Variants in PARN observed in about 807,000 individuals in gnomAD.
The protein encoded by PARN is poly(A)-specific ribonuclease PARN.
In PARN, 71 loss-of-function variants were observed where a neutral mutation model predicts 102.8. The ratio of observed to expected loss-of-function variants is 0.69; its 90% CI spans 0.57 to 0.84. The LOEUF is 0.84. PARN is among the 40% of genes least tolerant of loss of function. The pLI is 0.00. For missense variants in PARN, 782 were observed against 760.9 expected (o/e 1.03, Z -0.33); for synonymous variants, 261 against 252.9 (o/e 1.03, Z -0.30).
intron 15 of PARN, 72 bp downstream of exon 15, chr16:14,584,677 G>T: frequency 1.9e-6 from 2 of 1,057,510 alleles, no homozygotes; most frequent in Non-Finnish European, 2.9e-6. Flanking sequence ...TTTGCCAGAA[G>T]GCTATATTGT....
rs921967964 is a variant in PARN at position 14,493,241 on chromosome 16, T to A, written c.1481-10414A>T. Among the ~76,000 whole-genome samples, 10 of 152,138 alleles carry A rather than the reference T, an allele frequency of 6.6e-5. No individual in the cohort carries two copies. In the South Asian group the frequency reaches 2.1e-3, roughly 32 times the overall value. On this transcript the variant is annotated intron_variant, in intron 21 of 23. Transcript: ENST00000437198. ...TTATTTATTTATTTTTGAGACAGGG[T>A]CTCTCGCTCTGTTCCCCAGGCTGGA... is the stretch of plus-strand genomic sequence containing the variant.
At chr16:14,531,113 G>A (rs1966303423) in intron 21 of PARN, among the ~76,000 whole-genome samples, 1 of 152,174 alleles carries the variant, frequency 6.6e-6, no homozygotes, top group Admixed American at 6.5e-5. Context: ...CACTTTGGGA[G>A]GCTGAAGCAG....
intron 18 of PARN, among the ~76,000 whole-genome samples, chr16:14,577,212 T>C (rs1969198286): frequency 6.6e-6 from 1 of 152,196 alleles, no homozygotes; most frequent in Non-Finnish European, 1.5e-5. Context: ...TCAGAAAATC[T>C]TGCATATTTT....
intron 12 of PARN, among the ~76,000 whole-genome samples, chr16:14,597,513 G>A (rs751321541): frequency 6.6e-5 from 10 of 151,926 alleles, no homozygotes; most frequent in Non-Finnish European, 1.5e-4. Context: ...TGGCTAACAT[G>A]GTGAAACCCC....
chr16:14,530,659 C>A (rs1349464771), intron 21 of PARN, among the ~76,000 whole-genome samples: 1 of 152,072 alleles, frequency 6.6e-6, no homozygotes, highest in Middle Eastern at 3.2e-3. Flanking sequence ...TGAGGGAGTG[C>A]AACCCTCACT....
chr16:14,463,149 T>C (rs116914486), intron 22 of PARN, among the ~76,000 whole-genome samples: 2 of 152,230 alleles, frequency 1.3e-5, no homozygotes, highest in East Asian at 1.9e-4. Context: ...GGAAAACACA[T>C]ACATCACAGC....
At chr16:14,503,417 C>T (rs960290382) in intron 21 of PARN, among the ~76,000 whole-genome samples, 1 of 151,398 alleles carries the variant, frequency 6.6e-6, no homozygotes, top group Non-Finnish European at 1.5e-5. Flanking sequence ...GTGATAGAAA[C>T]GCACGTATCA....
At chr16:14,563,135 CT>C (rs1295406872) in intron 18 of PARN, among the ~76,000 whole-genome samples, 20 of 152,292 alleles carry the variant, frequency 1.3e-4, no homozygotes, top group Admixed American at 5.2e-4. Flanking sequence ...CATTATAGTT[CT>C]TTCAAATTCT....
At chr16:14,490,840 C>T (rs1212306287) in intron 21 of PARN, among the ~76,000 whole-genome samples, 1 of 152,150 alleles carries the variant, frequency 6.6e-6, no homozygotes, top group African/African-American at 2.4e-5. Flanking sequence ...AACAGATGGA[C>T]AGCCTCTCCA....
intron 21 of PARN, among the ~76,000 whole-genome samples, chr16:14,522,705 G>A (rs983778516): frequency 2.6e-5 from 4 of 152,154 alleles, no homozygotes; most frequent in African/African-American, 4.8e-5. Flanking sequence ...CAAGGTCCCT[G>A]CATCAAGATG....
At chr16:14,575,689 G>C (rs751938564) in intron 18 of PARN, among the ~76,000 whole-genome samples, 2 of 152,162 alleles carry the variant, frequency 1.3e-5, no homozygotes, top group Non-Finnish European at 2.9e-5. Context: ...GGACTTTTAA[G>C]TTAATGCTGA....
intron 5 of PARN, among the ~76,000 whole-genome samples, chr16:14,625,465 C>G (rs1302688243): frequency 1.3e-5 from 2 of 152,046 alleles, no homozygotes; most frequent in Non-Finnish European, 2.9e-5. Context: ...CCATCACACT[C>G]TAGCCTGGAC....
intron 18 of PARN, among the ~76,000 whole-genome samples, chr16:14,574,034 T>C (rs1347085050): frequency 3.9e-5 from 6 of 152,086 alleles, no homozygotes; most frequent in African/African-American, 1.4e-4. Context: ...CCGGAACAGT[T>C]TGGAGGGCTC....
intron 21 of PARN, among the ~76,000 whole-genome samples, chr16:14,544,901 A>G (rs1159343065): frequency 2.6e-5 from 4 of 152,224 alleles, no homozygotes; most frequent in African/African-American, 4.8e-5. Context: ...AAGATATAGA[A>G]TAAGACTGGG....
chr16:14,511,541 T>C (rs530191325), intron 21 of PARN, among the ~76,000 whole-genome samples: 2 of 152,176 alleles, frequency 1.3e-5, no homozygotes, highest in African/African-American at 2.4e-5. Context: ...TCACACATAA[T>C]ATAAGCTTGA....
intron 21 of PARN, among the ~76,000 whole-genome samples, chr16:14,536,287 C>A (rs957025305): frequency 6.6e-6 from 1 of 152,076 alleles, no homozygotes; most frequent in Non-Finnish European, 1.5e-5. Context: ...GAATCATGTA[C>A]GAGAAAACAA....
At chr16:14,477,650 A>C (rs1963140793) in intron 22 of PARN, among the ~76,000 whole-genome samples, 1 of 151,042 alleles carries the variant, frequency 6.6e-6, no homozygotes, top group Admixed American at 6.6e-5. Context: ...ATGGTGGTGC[A>C]TGCCTGTAAT....
intron 21 of PARN, among the ~76,000 whole-genome samples, chr16:14,514,343 C>T (rs530563565): frequency 6.6e-6 from 1 of 152,116 alleles, no homozygotes; most frequent in Non-Finnish European, 1.5e-5. Context: ...CACCACCATG[C>T]CTGGCTAGTT....
At chr16:14,605,213 G>A (rs554135464) in intron 10 of PARN, among the ~76,000 whole-genome samples, 7 of 152,162 alleles carry the variant, frequency 4.6e-5, no homozygotes, top group Non-Finnish European at 7.4e-5. Flanking sequence ...CAAAGTGCTG[G>A]GATTACAGGC....
Sources: allele counts gnomAD v4.1 joint callset (sites outside exome capture counted in the v4.1 genomes callset), GRCh38; gene constraint gnomAD v4.1.1; transcripts MANE v1.5; gene names NCBI Gene and HGNC (gene_info 2026-07-23, HGNC 2026-07-21).